DNAJC1: variants seen among roughly 807,000 people sequenced by gnomAD.
DNAJC1 encodes the protein DnaJ heat shock protein family (Hsp40) member C1.
In DNAJC1, 58 loss-of-function variants were observed where a neutral mutation model predicts 76.6. The ratio of observed to expected loss-of-function variants is 0.76; its 90% CI spans 0.61 to 0.94. DNAJC1 has a LOEUF of 0.94. DNAJC1 is among the 40% of genes least tolerant of loss of function. The probability of loss-of-function intolerance (pLI) is 0.00; values close to 1 mark genes in which losing one functional copy is unlikely to be tolerated. For missense variants in DNAJC1, 689 were observed against 677.3 expected (o/e 1.02, Z -0.19); for synonymous variants, 258 against 267.9 (o/e 0.96, Z 0.36).
chr10:21,996,608 T>C (rs1399501602), intron 1 of DNAJC1, among the ~76,000 whole-genome samples: 1 of 152,214 alleles, frequency 6.6e-6, no homozygotes, highest in Non-Finnish European at 1.5e-5. Context: ...CTTAGGCTAT[T>C]GTCTATGAAT....
chr10:21,756,695 T>G lies in DNAJC1; in HGVS notation c.1657A>C (p.Lys553Gln). 1.2e-6 allele frequency: 2 copies of G among 1,612,098 alleles called. No homozygotes were observed. The highest frequency in any genetic ancestry group is 1.7e-6 in the Non-Finnish European group (2 of 1,178,286). ...ATCATCTCCCAGAATATTCAGCTTTTAGCTTGTTTTTTCTTTTGGACCAGT... is the reference window on the plus strand; with the variant it reads ...ATCATCTCCCAGAATATTCAGCTTTGAGCTTGTTTTTTCTTTTGGACCAGT... ...VELVQKKKQA[K>Q]S Residue 553 changes from lysine (K) to glutamine (Q), a missense_variant, in exon 12 of 12, where the codon AAA (lysine) becomes CAA (glutamine). Physicochemically the swap from Lys to Gln is moderately conservative, Grantham distance 53. Coordinates refer to ENST00000376980, the MANE Select transcript of DNAJC1 (RefSeq NM_022365.4).
Position 21,837,155 on chromosome 10 carries a change from T to C in DNAJC1, c.979-31056A>G, listed in dbSNP as rs554637413. On this transcript the variant is annotated intron_variant, in intron 8 of 11. Transcript: ENST00000376980. ...CTCCAGCTCCTAACCGCGAGTGATC[T>C]GCCAGCCTCGGCCTCCCGAGGTGCC... Among the ~76,000 whole-genome samples the C allele has an allele frequency of 6.6e-5, 10 of 152,364 alleles. No individual in the cohort carries two copies. In the South Asian group the frequency reaches 2.1e-3, roughly 32 times the overall value.
intron 1 of DNAJC1, among the ~76,000 whole-genome samples, chr10:21,985,997 G>A (rs1020894301): frequency 6.6e-6 from 1 of 152,150 alleles, no homozygotes; most frequent in Non-Finnish European, 1.5e-5. Flanking sequence ...GGAAGCCGAG[G>A]CGGGCAGATC....
intron 9 of DNAJC1, among the ~76,000 whole-genome samples, chr10:21,795,367 C>T (rs1426335335): frequency 6.6e-6 from 1 of 152,136 alleles, no homozygotes; most frequent in Non-Finnish European, 1.5e-5. Context: ...TACCTTTCGC[C>T]AAGTGAAAGC....
intron 9 of DNAJC1, among the ~76,000 whole-genome samples, chr10:21,781,624 G>A (rs1004127706): frequency 1.3e-5 from 2 of 151,670 alleles, no homozygotes; most frequent in African/African-American, 2.4e-5. Flanking sequence ...AGGAGGCTGA[G>A]GCAGGAGAAT....
chr10:21,983,157 G>C (rs1341909489), intron 1 of DNAJC1, among the ~76,000 whole-genome samples: 3 of 152,152 alleles, frequency 2.0e-5, no homozygotes, highest in Non-Finnish European at 2.9e-5. Context: ...ACAGATACTT[G>C]TATACCAATG....
At chr10:21,837,368 G>A (rs989954401) in intron 8 of DNAJC1, among the ~76,000 whole-genome samples, 7 of 152,068 alleles carry the variant, frequency 4.6e-5, no homozygotes, top group African/African-American at 7.2e-5. Flanking sequence ...CTGCCTGGCC[G>A]CCCATCGTCT....
intron 3 of DNAJC1, 146 bp downstream of exon 3, chr10:21,928,360 C>T (rs1302252597): frequency 1.0e-5 from 7 of 681,922 alleles, no homozygotes; most frequent in Non-Finnish European, 1.5e-5. Flanking sequence ...CTGCTTCAAA[C>T]ACACATTTTT....
intron 1 of DNAJC1, among the ~76,000 whole-genome samples, chr10:21,974,323 G>A (rs1838029671): frequency 6.6e-6 from 1 of 152,108 alleles, no homozygotes; most frequent in African/African-American, 2.4e-5. Context: ...AGGGTATGGG[G>A]AGTGAAATCA....
chr10:21,968,765 C>T (rs1182795159), intron 1 of DNAJC1, among the ~76,000 whole-genome samples: 1 of 152,046 alleles, frequency 6.6e-6, no homozygotes, highest in Non-Finnish European at 1.5e-5. Context: ...CCACCTAGGC[C>T]CTGCAAAGTG....
intron 8 of DNAJC1, among the ~76,000 whole-genome samples, chr10:21,850,550 C>A (rs1339291333): frequency 7.3e-6 from 1 of 137,300 alleles, no homozygotes; most frequent in Non-Finnish European, 1.6e-5. Flanking sequence ...TTTTTTTTTA[C>A]TTAGTGCTTC....
chr10:21,795,620 G>A (rs1421053224), intron 9 of DNAJC1, among the ~76,000 whole-genome samples: 4 of 152,112 alleles, frequency 2.6e-5, no homozygotes, highest in Admixed American at 2.0e-4. Flanking sequence ...CTGGATTGTG[G>A]CGATTTCACA....
chr10:21,892,364 C>T (rs1836475009), intron 7 of DNAJC1, among the ~76,000 whole-genome samples: 1 of 150,882 alleles, frequency 6.6e-6, no homozygotes, highest in Admixed American at 6.6e-5. Context: ...TTAACACACA[C>T]ACACACACAC....
chr10:21,908,108 TAA>T (rs1269232464), intron 6 of DNAJC1, among the ~76,000 whole-genome samples: 1 of 109,414 alleles, frequency 9.1e-6, no homozygotes, highest in East Asian at 2.2e-4. Context: ...ATATAATATA[TAA>T]AATATATATA....
At chr10:21,946,155 C>T (rs1837502364) in intron 1 of DNAJC1, among the ~76,000 whole-genome samples, 1 of 148,080 alleles carries the variant, frequency 6.8e-6, no homozygotes, top group Non-Finnish European at 1.5e-5. Context: ...ATTCTCCTTC[C>T]TCAGCCTCCT....
intron 8 of DNAJC1, among the ~76,000 whole-genome samples, chr10:21,816,475 T>C (rs541156178): frequency 5.4e-5 from 8 of 149,120 alleles, no homozygotes; most frequent in Admixed American, 4.7e-4. Flanking sequence ...TGGGAGGCCA[T>C]GGCAAGAGAT....
chr10:22,003,322 AG>A lies in DNAJC1; in HGVS notation c.112del (p.Leu38CysfsTer21). The stretch of plus-strand genomic sequence containing the variant: ...GCGCGCCGGCGCCACGGCGGCCAGC[AG>A]CAGCAGCAGCAGCCACAGCAGCGGC... ...RTPLLWLLLL[L>X]LAAVAPARGW... On this transcript the variant is annotated frameshift_variant, in exon 1 of 12. Coordinates refer to ENST00000376980, the MANE Select transcript of DNAJC1 (RefSeq NM_022365.4). LOFTEE classifies it high-confidence loss of function. The A allele has an allele frequency of 6.6e-7, 1 of 1,516,796 alleles. No homozygotes were observed. The highest frequency in any genetic ancestry group is 1.2e-5 in the South Asian group (1 of 80,190). The allele number at this position is 1,516,796 out of a possible 1,614,324, so 94.0% of individuals were successfully genotyped here. A position where few individuals can be genotyped will look rare whatever the true frequency, so the allele number is the denominator to read the frequency against.
intron 8 of DNAJC1, among the ~76,000 whole-genome samples, chr10:21,878,875 T>C (rs1836228512): frequency 6.6e-6 from 1 of 152,030 alleles, no homozygotes; most frequent in South Asian, 2.1e-4. Context: ...TTATTCATTA[T>C]AGCCCCAAAC....
intron 8 of DNAJC1, among the ~76,000 whole-genome samples, chr10:21,831,774 A>G (rs564573587): frequency 8.1e-5 from 11 of 136,250 alleles, no homozygotes; most frequent in African/African-American, 3.1e-4. Flanking sequence ...TGGGCGACAG[A>G]GCGAGACTCC....
Sources: gnomAD v4.1 joint callset for allele counts (sites outside exome capture counted in the v4.1 genomes callset) on GRCh38, gnomAD v4.1.1 for gene constraint, MANE v1.5 for transcripts, NCBI Gene and HGNC (gene_info 2026-07-23, HGNC 2026-07-21) for gene names.